CDKL4: variants seen among roughly 807,000 people sequenced by gnomAD.
CDKL4 encodes cyclin-dependent kinase-like 4.
CDKL4 carries 44 observed loss-of-function variants against 42.0 expected under a neutral mutation model. The ratio of observed to expected loss-of-function variants is 1.05; its 90% confidence interval spans 0.82 to 1.35. CDKL4 has a LOEUF of 1.35. CDKL4 is among the 40% of genes most tolerant of loss of function. The pLI, the probability that CDKL4 is intolerant of heterozygous loss-of-function variation, is 0.00. For missense variants in CDKL4, 393 were observed against 369.9 expected (o/e 1.06, Z -0.51); for synonymous variants, 120 against 121.6 (o/e 0.99, Z 0.09).
chr2:39,212,390 T>A (rs1677642216), intron 4 of CDKL4, among the ~76,000 whole-genome samples: 1 of 151,844 alleles, frequency 6.6e-6, no homozygotes, highest in Admixed American at 6.6e-5. Context: ...CCCGCCACCA[T>A]GCCCGGCCAA....
chr2:39,190,272 A>T (rs1328435609), intron 6 of CDKL4, 33 bp downstream of exon 6: 1 of 1,498,616 alleles, frequency 6.7e-7, no homozygotes, highest in Admixed American at 1.7e-5. Flanking sequence ...ATAACAATTC[A>T]GCAACTCTGT....
At chr2:39,170,009 C>T in the CDKL4 span, among the ~76,000 whole-genome samples, 23 of 152,156 alleles carry the variant, frequency 1.5e-4, no homozygotes, top group Admixed American at 8.5e-4. Flanking sequence ...TACAGGCCCA[C>T]GCCACCACTC....
chr2:39,179,383 C>T (rs1424402009), intron 8 of CDKL4, 62 bp from the exon 9 acceptor site: 2 of 1,311,218 alleles, frequency 1.5e-6, no homozygotes, highest in Non-Finnish European at 2.1e-6. Flanking sequence ...TTACCGTGCC[C>T]ACAAACTGAA....
At chr2:39,211,530 G>A (rs1221397522) in intron 4 of CDKL4, among the ~76,000 whole-genome samples, 2 of 151,968 alleles carry the variant, frequency 1.3e-5, no homozygotes, top group Non-Finnish European at 2.9e-5. Flanking sequence ...TGTTTATAAT[G>A]GTGCTCCAGC....
chr2:39,172,117 T>A (rs761444964), downstream of CDKL4, among the ~76,000 whole-genome samples: 45 of 152,012 alleles, frequency 3.0e-4, no homozygotes, highest in Non-Finnish European at 4.6e-4. Context: ...AAAACCAGCC[T>A]GGCCAACATG....
downstream of CDKL4, among the ~76,000 whole-genome samples, chr2:39,171,815 C>A (rs1384271532): frequency 6.6e-6 from 1 of 152,140 alleles, no homozygotes; most frequent in African/African-American, 2.4e-5. Context: ...AGTGTTCAGG[C>A]GGCGTCACTC....
rs913666175 is a variant in CDKL4 at position 39,222,574 on chromosome 2, T to C, written c.290+3265A>G. ...CACTGCACTCCAGCCTGGGCGACAG[T>C]GTGAGACTCTGTCTCTAAATAAATA... On this transcript the variant is annotated intron_variant, in intron 3 of 9. Coordinates refer to ENST00000451199, the Ensembl canonical transcript of CDKL4. 5.3e-5 allele frequency among the ~76,000 whole-genome samples: 8 copies of C among 151,980 alleles called. No homozygotes were observed. The East Asian group carries it at 1.2e-3, about 22-fold the overall frequency.
At chr2:39,226,434 A>AATTATATATATATATATAT (rs1678720933) in intron 2 of CDKL4, among the ~76,000 whole-genome samples, 1 of 101,572 alleles carries the variant, frequency 9.8e-6, no homozygotes, top group Non-Finnish European at 2.1e-5. Flanking sequence ...TATTTATATA[A>AATTATATATATATATATAT]ATTATATATA....
chr2:39,229,570 T>G, exon 2 of CDKL4: 2 of 1,524,420 alleles, frequency 1.3e-6, no homozygotes, highest in Non-Finnish European at 1.8e-6. Flanking sequence ...ATCGATTGAC[T>G]TGCAGTACAA....
chr2:39,244,729 G>C (rs1473911224), upstream of CDKL4, among the ~76,000 whole-genome samples: 3 of 152,272 alleles, frequency 2.0e-5, no homozygotes, highest in Non-Finnish European at 4.4e-5. Flanking sequence ...GTTGAAGCCA[G>C]CTGGGCTCCT....
At chr2:39,245,565 G>A (rs554240660), upstream of CDKL4, among the ~76,000 whole-genome samples, 3 of 152,316 alleles carry the variant, frequency 2.0e-5, no homozygotes, top group African/African-American at 7.2e-5. Context: ...TGTAGCATCA[G>A]GCTGTGAACG....
intron 3 of CDKL4, among the ~76,000 whole-genome samples, chr2:39,217,847 C>T (rs1678030137): frequency 6.6e-6 from 1 of 152,142 alleles, no homozygotes; most frequent in Non-Finnish European, 1.5e-5. Context: ...GATTCTCCTG[C>T]CTCAGCCTCC....
At chr2:39,185,136 AC>A (rs1176673492) in intron 7 of CDKL4, among the ~76,000 whole-genome samples, 1 of 139,770 alleles carries the variant, frequency 7.2e-6, no homozygotes, top group Non-Finnish European at 1.5e-5. Context: ...ACATATATAT[AC>A]ATATATATGT....
intron 5 of CDKL4, among the ~76,000 whole-genome samples, chr2:39,201,795 A>G (rs1676867727): frequency 6.6e-6 from 1 of 152,184 alleles, no homozygotes; most frequent in African/African-American, 2.4e-5. Context: ...GAGGACACAA[A>G]GGCATAAGAA....
the CDKL4 span, among the ~76,000 whole-genome samples, chr2:39,168,893 A>G: frequency 5.3e-5 from 8 of 151,664 alleles, no homozygotes; most frequent in African/African-American, 1.9e-4. Context: ...AGTAGCTGGG[A>G]CTACAGGCAC....
intron 5 of CDKL4, among the ~76,000 whole-genome samples, chr2:39,198,867 G>A (rs1676678447): frequency 6.6e-6 from 1 of 152,052 alleles, no homozygotes; most frequent in African/African-American, 2.4e-5. Context: ...AGCATTAAAT[G>A]CCTACATCAA....
At chr2:39,234,903 T>C in intron 1 of CDKL4, among the ~76,000 whole-genome samples, 1 of 152,092 alleles carries the variant, frequency 6.6e-6, no homozygotes, top group East Asian at 1.9e-4. Flanking sequence ...TTTTTTTTTT[T>C]TTTGAGACAG....
intron 1 of CDKL4, among the ~76,000 whole-genome samples, chr2:39,235,910 T>A (rs1679344990): frequency 6.6e-6 from 1 of 150,706 alleles, no homozygotes; most frequent in South Asian, 2.1e-4. Flanking sequence ...TGAGACATGC[T>A]AAAAAAAAGG....
At chr2:39,217,685 A>G (rs1349499352) in intron 3 of CDKL4, among the ~76,000 whole-genome samples, 1 of 151,910 alleles carries the variant, frequency 6.6e-6, no homozygotes, top group African/African-American at 2.4e-5. Flanking sequence ...TTCTCTGAAC[A>G]TGCCAGGCTT....
Sources: gnomAD v4.1 joint callset for allele counts (sites outside exome capture counted in the v4.1 genomes callset) on GRCh38, gnomAD v4.1.1 for gene constraint, MANE v1.5 for transcripts, NCBI Gene and HGNC (gene_info 2026-07-23, HGNC 2026-07-21) for gene names.